Variants in PTPRD observed in about 807,000 individuals in gnomAD.
PTPRD encodes receptor-type tyrosine-protein phosphatase delta.
In PTPRD, 34 loss-of-function variants were observed where a neutral mutation model predicts 214.5. The observed-to-expected ratio is 0.16, with a 90% confidence interval of 0.12 to 0.21. The LOEUF is 0.21. Ranked by LOEUF, PTPRD falls within the 10% of genes least tolerant of loss-of-function variation. The pLI, the probability that PTPRD is intolerant of heterozygous loss-of-function variation, is 1.00. For missense variants in PTPRD, 2,545 were observed against 2,398.7 expected (o/e 1.06, Z -1.27); for synonymous variants, 1,128 against 845.7 (o/e 1.33, Z -5.79).
At chr9:10,170,816 A>G (rs986905546) in intron 3 of PTPRD, among the ~76,000 whole-genome samples, 9 of 152,246 alleles carry the variant, frequency 5.9e-5, no homozygotes, top group African/African-American at 1.7e-4. Context: ...CTTTTTGATT[A>G]GCAATTGTAT....
chr9:9,823,389 T>C (rs1247069752), intron 5 of PTPRD, among the ~76,000 whole-genome samples: 1 of 151,984 alleles, frequency 6.6e-6, no homozygotes, highest in African/African-American at 2.4e-5. Flanking sequence ...GAGAACTTAC[T>C]ATTGCAAAGA....
intron 5 of PTPRD, among the ~76,000 whole-genome samples, chr9:9,888,869 C>G (rs1365932953): frequency 6.6e-6 from 1 of 152,046 alleles, no homozygotes; most frequent in Non-Finnish European, 1.5e-5. Flanking sequence ...TGAGCCAGCA[C>G]CAAATGTTAG....
chr9:10,376,992 T>C (rs189877885), intron 2 of PTPRD, among the ~76,000 whole-genome samples: 102 of 152,084 alleles, frequency 6.7e-4, no homozygotes, highest in African/African-American at 2.2e-3. Flanking sequence ...AAATACTAGG[T>C]CTTATTCATT....
At chr9:8,656,300 CATT>C (rs1327502528) in intron 12 of PTPRD, among the ~76,000 whole-genome samples, 2 of 152,102 alleles carry the variant, frequency 1.3e-5, no homozygotes, top group African/African-American at 4.8e-5. Context: ...AAGACTATTC[CATT>C]ATTCAAAAAT....
chr9:8,338,239 T>C (rs1848899961), intron 43 of PTPRD, among the ~76,000 whole-genome samples: 1 of 152,102 alleles, frequency 6.6e-6, no homozygotes, highest in African/African-American at 2.4e-5. Flanking sequence ...TTTGTAATCA[T>C]GGGTTGAAAG....
chr9:8,466,900 G>C (rs567292287), intron 31 of PTPRD, among the ~76,000 whole-genome samples: 34 of 151,744 alleles, frequency 2.2e-4, no homozygotes, highest in Non-Finnish European at 4.0e-4. Context: ...TGAGAGCCTG[G>C]CATGATCAAG....
intron 2 of PTPRD, among the ~76,000 whole-genome samples, chr9:10,348,006 C>T (rs753262053): frequency 6.6e-6 from 1 of 151,930 alleles, no homozygotes; most frequent in Non-Finnish European, 1.5e-5. Context: ...TGCAGTGACC[C>T]GAGATCATGC....
At chr9:8,561,751 ATTTT>A (rs35530419) in intron 14 of PTPRD, among the ~76,000 whole-genome samples, 1 of 145,004 alleles carries the variant, frequency 6.9e-6, no homozygotes, top group South Asian at 2.2e-4. Context: ...GGATCCTTGG[ATTTT>A]TTTTTTTTTT....
chr9:10,117,083 T>C (rs1475205307), intron 3 of PTPRD, among the ~76,000 whole-genome samples: 1 of 152,164 alleles, frequency 6.6e-6, no homozygotes. Context: ...TATAAATTCA[T>C]CAGAGCAGGA....
intron 3 of PTPRD, among the ~76,000 whole-genome samples, chr9:10,148,682 C>CA (rs1174743874): frequency 6.6e-6 from 1 of 152,162 alleles, no homozygotes; most frequent in Non-Finnish European, 1.5e-5. Flanking sequence ...AAGTCAATCT[C>CA]AATTTTGGCT....
chr9:9,758,001 T>G (rs960880723), intron 6 of PTPRD, among the ~76,000 whole-genome samples: 1 of 152,072 alleles, frequency 6.6e-6, no homozygotes, highest in African/African-American at 2.4e-5. Flanking sequence ...TACATTTGGA[T>G]AGTTCCACTG....
At chr9:8,937,689 T>C (rs1306844494) in intron 11 of PTPRD, among the ~76,000 whole-genome samples, 1 of 152,194 alleles carries the variant, frequency 6.6e-6, no homozygotes, top group Non-Finnish European at 1.5e-5. Context: ...ATACAAATGC[T>C]TGAACTTTGG....
intron 6 of PTPRD, among the ~76,000 whole-genome samples, chr9:9,749,443 G>T (rs1564960577): frequency 6.6e-6 from 1 of 152,074 alleles, no homozygotes; most frequent in African/African-American, 2.4e-5. Flanking sequence ...GGCTCAGGAG[G>T]GGAAGAACAG....
chr9:8,525,174 GCA>G (rs749975916), intron 17 of PTPRD, 139 bp from the exon 18 acceptor site: 3 of 784,766 alleles, frequency 3.8e-6, no homozygotes, highest in Non-Finnish European at 6.9e-6. Context: ...TTGCTAAGTT[GCA>G]CAGACAGAAA....
At chr9:9,887,737 G>T in intron 5 of PTPRD, among the ~76,000 whole-genome samples, 1 of 152,020 alleles carries the variant, frequency 6.6e-6, no homozygotes, top group East Asian at 1.9e-4. Context: ...ATTAGAGAAA[G>T]CTAAATATAC....
At chr9:9,181,064 G>C (rs2099927917) in intron 10 of PTPRD, among the ~76,000 whole-genome samples, 2 of 152,046 alleles carry the variant, frequency 1.3e-5, no homozygotes, top group Middle Eastern at 3.2e-3. Context: ...GTTTAGGTTG[G>C]AGTTCTTGCT....
chr9:10,389,320 G>T (rs1003338056), intron 2 of PTPRD, among the ~76,000 whole-genome samples: 1 of 151,788 alleles, frequency 6.6e-6, no homozygotes, highest in African/African-American at 2.4e-5. Context: ...TACTCCCTAG[G>T]AATAGATCTG....
At chr9:9,042,044 C>T (rs2099641544) in intron 10 of PTPRD, among the ~76,000 whole-genome samples, 1 of 152,112 alleles carries the variant, frequency 6.6e-6, no homozygotes, top group Admixed American at 6.6e-5. Flanking sequence ...TTTATTGGTT[C>T]CTTTAACTGA....
intron 11 of PTPRD, among the ~76,000 whole-genome samples, chr9:8,794,589 C>G (rs1386458784): frequency 1.3e-5 from 2 of 150,716 alleles, no homozygotes; most frequent in African/African-American, 4.9e-5. Context: ...AGCAATCCTC[C>G]TGTCTTAGCC....
Sources: allele counts gnomAD v4.1 joint callset (sites outside exome capture counted in the v4.1 genomes callset), GRCh38; gene constraint gnomAD v4.1.1; transcripts MANE v1.5; gene names NCBI Gene and HGNC (gene_info 2026-07-23, HGNC 2026-07-21).